ZBTB16: variants seen among roughly 807,000 people sequenced by gnomAD.
ZBTB16 encodes the protein zinc finger and BTB domain-containing protein 16.
A neutral mutation model predicts 56.8 loss-of-function variants in ZBTB16; 8 were observed. The ratio of observed to expected loss-of-function variants is 0.14; its 90% CI spans 0.08 to 0.25. The LOEUF is 0.25. Among genes scored for constraint, ZBTB16 ranks in the 10% least tolerant of loss-of-function variants. ZBTB16 has a pLI of 1.00. For missense variants in ZBTB16, 625 were observed against 903.0 expected (o/e 0.69, Z 3.95); for synonymous variants, 363 against 368.5 (o/e 0.98, Z 0.17).
intron 2 of ZBTB16, among the ~76,000 whole-genome samples, chr11:114,071,066 A>G (rs1565608636): frequency 1.3e-5 from 2 of 152,240 alleles, no homozygotes; most frequent in South Asian, 2.1e-4. Flanking sequence ...AAAACTAGGC[A>G]CTTCAGTGAG....
intron 4 of ZBTB16, among the ~76,000 whole-genome samples, chr11:114,240,565 C>G (rs1219709298): frequency 1.3e-5 from 2 of 151,628 alleles, no homozygotes; most frequent in African/African-American, 4.8e-5. Flanking sequence ...GGTGATATTG[C>G]CCAGGCACCA....
intron 2 of ZBTB16, among the ~76,000 whole-genome samples, chr11:114,147,124 A>G (rs1283237631): frequency 1.3e-5 from 2 of 152,230 alleles, no homozygotes; most frequent in Non-Finnish European, 2.9e-5. Flanking sequence ...AGTGTACCAA[A>G]GCAGAAAGAA....
intron 4 of ZBTB16, among the ~76,000 whole-genome samples, chr11:114,233,094 C>G: frequency 3.1e-5 from 1 of 31,868 alleles, no homozygotes; most frequent in Middle Eastern, 0.017. Context: ...CACACACACA[C>G]ACACACACAC....
intron 2 of ZBTB16, among the ~76,000 whole-genome samples, chr11:114,127,531 T>A (rs987563200): frequency 6.6e-6 from 1 of 152,068 alleles, no homozygotes; most frequent in Admixed American, 6.5e-5. Context: ...ACATACACAC[T>A]CTGTTAAATG....
intron 3 of ZBTB16, among the ~76,000 whole-genome samples, chr11:114,167,003 G>A (rs1439652035): frequency 6.6e-6 from 1 of 152,084 alleles, no homozygotes; most frequent in Non-Finnish European, 1.5e-5. Context: ...TTCACTTTGG[G>A]TAAAGGAAGG....
At chr11:114,159,950 A>AC (rs1942538883) in intron 3 of ZBTB16, among the ~76,000 whole-genome samples, 1 of 109,500 alleles carries the variant, frequency 9.1e-6, no homozygotes. Context: ...GGGGGAGGCG[A>AC]GCATTTTTTT....
In ZBTB16 at chr11:114,250,247, G is replaced by C; in HGVS notation, c.1793-79G>C. ...CAGCTGGAGGAACCCAGCTTCCCTG[G>C]CACGCCTGAGGGTGACATGGTGCCC... is the stretch of plus-strand genomic sequence containing the variant. On this transcript the variant is annotated intron_variant, in intron 6 of 6. Transcript: ENST00000335953. This position sits in a 1 kb window ranked among gnomAD's most constrained non-coding sequence, Gnocchi z 6.0. The C allele has an allele frequency of 6.6e-7, 1 of 1,521,384 alleles. No homozygotes were observed. The highest frequency in any genetic ancestry group is 1.1e-5 in the South Asian group (1 of 89,222). 94.2% of individuals were successfully genotyped at this position (1,521,384 alleles called of 1,614,324 possible).
At chr11:114,077,271 T>A (rs1224644842) in intron 2 of ZBTB16, among the ~76,000 whole-genome samples, 1 of 152,056 alleles carries the variant, frequency 6.6e-6, no homozygotes, top group Admixed American at 6.6e-5. Context: ...TTCCTCTAAG[T>A]GTAATTCTTT....
chr11:114,190,279 A>T (rs566216519), intron 4 of ZBTB16, among the ~76,000 whole-genome samples: 8 of 152,308 alleles, frequency 5.3e-5, no homozygotes, highest in African/African-American at 1.7e-4. Flanking sequence ...TCCTCGACTT[A>T]CAATGGGACT....
intron 4 of ZBTB16, among the ~76,000 whole-genome samples, chr11:114,221,222 C>T (rs533077917): frequency 6.6e-6 from 1 of 152,316 alleles, no homozygotes; most frequent in Non-Finnish European, 1.5e-5. Flanking sequence ...AACAGATACT[C>T]CCTGGAGAGA....
In ZBTB16 at chr11:114,201,798, G is replaced by T. The variant is rs547016921; in HGVS notation, c.1453+14760G>T. On this transcript the variant is annotated intron_variant, in intron 4 of 6. Coordinates refer to ENST00000335953, the MANE Select transcript of ZBTB16 (RefSeq NM_006006.6). ...TTATCTTTAGAAGTGGGATTATAGG[G>T]CAAAGGTGTTCTACTTTCTGCTTTA... is the stretch of plus-strand genomic sequence containing the variant. Among the ~76,000 whole-genome samples, 9 of 152,248 alleles carry T rather than the reference G, an allele frequency of 5.9e-5. No homozygotes were observed. In the East Asian group the frequency reaches 1.7e-3, roughly 29 times the overall value.
At chr11:114,199,684 A>C (rs1943690451) in intron 4 of ZBTB16, among the ~76,000 whole-genome samples, 2 of 152,220 alleles carry the variant, frequency 1.3e-5, no homozygotes, top group South Asian at 4.1e-4. Flanking sequence ...GAATTGGGCA[A>C]GAAAAGTACT....
intron 3 of ZBTB16, among the ~76,000 whole-genome samples, chr11:114,162,796 C>T (rs913029177): frequency 2.6e-5 from 4 of 152,122 alleles, no homozygotes; most frequent in Non-Finnish European, 4.4e-5. Flanking sequence ...CCCTTCGGTC[C>T]GCATGGGTGA....
chr11:114,154,296 C>T lies in ZBTB16; in HGVS notation c.1269-2041C>T, dbSNP rs897522040. On this transcript the variant is annotated intron_variant, in intron 2 of 6. Coordinates refer to ENST00000335953, the MANE Select transcript of ZBTB16 (RefSeq NM_006006.6). ...AGCCACCCTTCAGAAGTGGGCACTC[C>T]AGGAGCTAACAAACCCCTGGTGAAG... 2.0e-5 allele frequency among the ~76,000 whole-genome samples: 3 copies of T among 152,176 alleles called. 1 individual carries two copies. The highest frequency in any genetic ancestry group is 2.0e-4 in the Admixed American group (3 of 15,274).
intron 2 of ZBTB16, among the ~76,000 whole-genome samples, chr11:114,087,830 TCTTAGAATGTACAC>T (rs1565617731): frequency 6.6e-6 from 1 of 152,220 alleles, no homozygotes; most frequent in African/African-American, 2.4e-5. Context: ...TCTGCATATT[TCTTAGAATGTACAC>T]CCCTGAAGGC....
chr11:114,203,613 G>A (rs997893869), intron 4 of ZBTB16, among the ~76,000 whole-genome samples: 1 of 149,018 alleles, frequency 6.7e-6, no homozygotes, highest in Admixed American at 6.7e-5. Flanking sequence ...TAAAAGGGTG[G>A]AATTTTATGG....
intron 2 of ZBTB16, among the ~76,000 whole-genome samples, chr11:114,104,981 C>G (rs1001239546): frequency 1.3e-5 from 2 of 152,084 alleles, no homozygotes; most frequent in Admixed American, 6.5e-5. Context: ...TTTTCCTGAC[C>G]CATTTTGCAG....
At chr11:114,247,903 A>AAT (rs1555161488) in intron 6 of ZBTB16, among the ~76,000 whole-genome samples, 1 of 148,288 alleles carries the variant, frequency 6.7e-6, no homozygotes, top group African/African-American at 2.5e-5. Flanking sequence ...GTGCCTTCAC[A>AAT]TTTTTTTTTT....
At chr11:114,238,265 T>A (rs1327389578) in intron 4 of ZBTB16, among the ~76,000 whole-genome samples, 1 of 152,186 alleles carries the variant, frequency 6.6e-6, no homozygotes, top group Non-Finnish European at 1.5e-5. Context: ...GTGCCCAGAG[T>A]CACTGGCTTC....
Sources: gnomAD v4.1 joint callset for allele counts (sites outside exome capture counted in the v4.1 genomes callset) on GRCh38, gnomAD v4.1.1 for gene constraint, Gnocchi (gnomAD v3.1) non-coding constraint, MANE v1.5 for transcripts, NCBI Gene and HGNC (gene_info 2026-07-23, HGNC 2026-07-21) for gene names.